FHIP2B: variants seen among roughly 807,000 people sequenced by gnomAD.
FHIP2B encodes the protein FHF complex subunit HOOK interacting protein 2B, also known as FHF complex subunit HOOK-interacting protein 2B.
Under a neutral mutation model 84.0 loss-of-function variants are expected in FHIP2B, and 72 were observed. That is an observed-to-expected ratio of 0.86 (90% CI 0.71 to 1.04). The LOEUF (loss-of-function observed/expected upper bound fraction) is 1.04, where lower values mean the gene tolerates loss of function less well. FHIP2B is among the 50% of genes least tolerant of loss of function. The probability of loss-of-function intolerance (pLI) is 0.00; values close to 1 mark genes in which losing one functional copy is unlikely to be tolerated. For synonymous variants in FHIP2B, 497 were observed against 418.7 expected, an observed-to-expected ratio of 1.19 and a Z score of -2.28; for missense variants, 972 against 968.9, an observed-to-expected ratio of 1.00 and a Z score of -0.04.
At chr8:22,094,264 A>G (rs1207683466) in intron 1 of FHIP2B, among the ~76,000 whole-genome samples, 176 bp from the exon 2 acceptor site, 1 of 152,144 alleles carries the variant, frequency 6.6e-6, no homozygotes, top group Non-Finnish European at 1.5e-5. Context: ...CCTTGGCAAG[A>G]TGACAGTGTG....
At chr8:22,094,670 C>T in intron 2 of FHIP2B, 152 bp downstream of exon 2, 2 of 1,484,040 alleles carry the variant, frequency 1.3e-6, no homozygotes, top group Non-Finnish European at 1.8e-6. Flanking sequence ...ACCAGACAGA[C>T]AGAAGACCCA....
In FHIP2B at chr8:22,101,743, C is replaced by T; in HGVS notation, c.1743C>T (p.Gly581=). The T allele has an allele frequency of 6.2e-7, 1 of 1,613,174 alleles. No individual in the cohort carries two copies. The highest frequency in any genetic ancestry group is 8.5e-7 in the Non-Finnish European group (1 of 1,179,642). ...GCAGCTCCCGCGTCGCCTCCTGGGGCTGGCCTCTGACCCCCACACCTTTGG... is the reference window on the plus strand; with the variant it reads ...GCAGCTCCCGCGTCGCCTCCTGGGGTTGGCCTCTGACCCCCACACCTTTGG... The part of the protein sequence containing the change: ...QECSSRVASW[G]WPLTPTPLDP... The change falls in exon 14 of 17, where the codon GGC becomes GGT. Residue 581 remains glycine (G), a synonymous_variant. Coordinates refer to ENST00000289921, the MANE Select transcript of FHIP2B (RefSeq NM_022749.7).
chr8:22,090,053 A>AT (rs1337852022), intron 1 of FHIP2B, among the ~76,000 whole-genome samples: 3 of 140,454 alleles, frequency 2.1e-5, no homozygotes, highest in Non-Finnish European at 4.5e-5. Context: ...TGTTTTTGCC[A>AT]TTTTTTGTTG....
intron 1 of FHIP2B, among the ~76,000 whole-genome samples, chr8:22,093,538 G>T (rs1825605167): frequency 6.6e-6 from 1 of 152,052 alleles, no homozygotes; most frequent in Non-Finnish European, 1.5e-5. Flanking sequence ...AGTTGGGGTT[G>T]TGCAGGCTCA....
Position 22,100,831 on chromosome 8 carries a change from G to A in FHIP2B, c.1488-13G>A. 4 of 1,613,816 alleles carry A rather than the reference G, an allele frequency of 2.5e-6. No homozygotes were observed. The highest frequency in any genetic ancestry group is 3.4e-6 in the Non-Finnish European group (4 of 1,179,876). On this transcript the variant is annotated splice_polypyrimidine_tract_variant and intron_variant, in intron 11 of 16. Transcript: ENST00000289921. ...TCATTCACTGGTGCCGTACTGCTCT[G>A]CCCTGGCCACAGAGACCTGGAGGAA...
At position 22,097,569 on chromosome 8, in the gene FHIP2B, G is replaced by A. The variant is rs373872456; in HGVS notation, c.351G>A (p.Ala117=). 2.7e-5 allele frequency: 43 copies of A among 1,610,028 alleles called. No homozygotes were observed. Among genetic ancestry groups the A allele is most frequent in the Admixed American group, 6.7e-5 (4 of 59,574 alleles). The change falls in exon 4 of 17, where the codon GCG becomes GCA. Residue 117 remains alanine (A), a synonymous_variant. Transcript: ENST00000289921. The stretch of plus-strand genomic sequence containing the variant: ...TCCAGTTCTTCAGCAAGGTTCTGGC[G>A]CAGGTGCAGCACCCCCTGCTGCATT... ...QVFQFFSKVL[A]QVQHPLLHYL...
chr8:22,102,109 C>T (rs1826152380), intron 14 of FHIP2B, 66 bp from the exon 15 acceptor site: 2 of 1,611,018 alleles, frequency 1.2e-6, no homozygotes, highest in South Asian at 2.2e-5. Flanking sequence ...AGGCACCTTG[C>T]TGGGGGAGTG....
At chr8:22,092,102 T>C (rs746483077) in intron 1 of FHIP2B, among the ~76,000 whole-genome samples, 2 of 152,016 alleles carry the variant, frequency 1.3e-5, no homozygotes, top group Non-Finnish European at 2.9e-5. Context: ...TTGAGAAGGG[T>C]TGCAGCCCCT....
At chr8:22,097,994 C>G in intron 5 of FHIP2B, 74 bp from the exon 6 acceptor site, 8 of 1,527,124 alleles carry the variant, frequency 5.2e-6, no homozygotes, top group Non-Finnish European at 7.0e-6. Context: ...GCTGGCAGCC[C>G]ACCCTGCGGT....
At chr8:22,090,326 A>G (rs1210323253) in intron 1 of FHIP2B, among the ~76,000 whole-genome samples, 1 of 152,096 alleles carries the variant, frequency 6.6e-6, no homozygotes, top group African/African-American at 2.4e-5. Context: ...CTCCTCCCCA[A>G]CCCTCATGGG....
At chr8:22,092,531 G>A (rs941449952) in intron 1 of FHIP2B, among the ~76,000 whole-genome samples, 1 of 146,214 alleles carries the variant, frequency 6.8e-6, no homozygotes, top group Non-Finnish European at 1.5e-5. Flanking sequence ...CTGAGATGGT[G>A]CCACTGCACT....
At chr8:22,090,153 T>TGTGG (rs1554573642) in intron 1 of FHIP2B, among the ~76,000 whole-genome samples, 3 of 97,796 alleles carry the variant, frequency 3.1e-5, no homozygotes, top group Non-Finnish European at 6.2e-5. Flanking sequence ...CCCGGTAGGG[T>TGTGG]GGGGGGGGTG....
At chr8:22,090,503 C>G (rs1264177140) in intron 1 of FHIP2B, among the ~76,000 whole-genome samples, 3 of 152,184 alleles carry the variant, frequency 2.0e-5, no homozygotes, top group Admixed American at 2.0e-4. Context: ...CATCCCCAGT[C>G]AAAACAGCTG....
At chr8:22,089,421 C>G in intron 1 of FHIP2B, 123 bp downstream of exon 1, 1 of 441,072 alleles carries the variant, frequency 2.3e-6, no homozygotes, top group Non-Finnish European at 3.0e-6. Context: ...GGGCAGGGAC[C>G]CCCGGGCCGC....
rs1202087428 is a variant in FHIP2B, at chr8:22,102,528, G to A, written c.1993G>A (p.Val665Met). 1.9e-6 allele frequency: 3 copies of A among 1,556,316 alleles called. No homozygotes were observed. The Admixed American group carries it at 5.8e-5, about 30-fold the overall frequency. ...CRSLFSVLVRVIGDLMQRIQR... is the reference protein window; with the variant it reads ...CRSLFSVLVRMIGDLMQRIQR... ...GAGTCCCCTGTGATTCCCGCTGTAG[G>A]TGATCGGGGACTTGATGCAGAGAAT... The change falls in exon 16 of 17, where the codon GTG becomes ATG. Residue 665 changes from valine (V) to methionine (M), a missense_variant and splice_region_variant. By Grantham distance (21) the Val-to-Met change is conservative. Transcript: ENST00000289921.
At chr8:22,091,240 CTTTTT>C (rs71204535) in intron 1 of FHIP2B, among the ~76,000 whole-genome samples, 1 of 117,710 alleles carries the variant, frequency 8.5e-6, no homozygotes, top group African/African-American at 3.1e-5. Context: ...ATCATTACAG[CTTTTT>C]TTTTTTTTTT....
At chr8:22,092,680 C>T (rs757362022) in intron 1 of FHIP2B, among the ~76,000 whole-genome samples, 6 of 151,700 alleles carry the variant, frequency 4.0e-5, no homozygotes, top group African/African-American at 9.7e-5. Flanking sequence ...TTAGAGACTC[C>T]GAAGTCTCGC....
rs921519601 is a variant in FHIP2B at position 22,103,722 on chromosome 8, C to A, written c.*791C>A. 6.6e-6 allele frequency: 1 copy of A among 152,330 alleles called. No homozygotes were observed. The highest frequency in any genetic ancestry group is 2.4e-5 in the African/African-American group (1 of 41,454). The allele number at this position is 152,330 out of a possible 1,614,324, so 9.4% of individuals were successfully genotyped here. The stretch of plus-strand genomic sequence containing the variant: ...AGAGACCAGGGGAGGCCGGGCCTTG[C>A]CCTCCCTTCTGCCCAGGGCCCAGTG... On this transcript the variant is annotated 3_prime_UTR_variant, in exon 17 of 17. Coordinates refer to ENST00000289921, the MANE Select transcript of FHIP2B (RefSeq NM_022749.7).
chr8:22,091,239 GCTTTTT>G (rs1825475104), intron 1 of FHIP2B, among the ~76,000 whole-genome samples: 1 of 124,736 alleles, frequency 8.0e-6, no homozygotes, highest in Non-Finnish European at 1.6e-5. Flanking sequence ...AATCATTACA[GCTTTTT>G]TTTTTTTTTT....
Sources: allele counts gnomAD v4.1 joint callset (sites outside exome capture counted in the v4.1 genomes callset), GRCh38; gene constraint gnomAD v4.1.1; transcripts MANE v1.5; gene names NCBI Gene and HGNC (gene_info 2026-07-23, HGNC 2026-07-21).